Variants in EPHB1 observed in about 807,000 individuals in gnomAD.
EPHB1 encodes the protein EPH receptor B1, also known as ephrin type-B receptor 1.
A neutral mutation model predicts 94.4 loss-of-function variants in EPHB1; 30 were observed. That is an observed-to-expected ratio of 0.32 (90% CI 0.24 to 0.43). The LOEUF is 0.43. Ranked by LOEUF, EPHB1 falls within the 20% of genes least tolerant of loss-of-function variation. EPHB1 has a pLI of 1.00. For missense variants in EPHB1, 1,055 were observed against 1,308.3 expected, an observed-to-expected ratio of 0.81 and a Z score of 2.99; for synonymous variants, 522 against 489.1, an observed-to-expected ratio of 1.07 and a Z score of -0.89.
intron 1 of EPHB1, among the ~76,000 whole-genome samples, chr3:134,825,942 T>A (rs190341795): frequency 1.5e-4 from 23 of 152,166 alleles, no homozygotes; most frequent in Admixed American, 6.5e-4. Context: ...TCAACTATCA[T>A]CTATAAAAGG....
intron 1 of EPHB1, among the ~76,000 whole-genome samples, chr3:134,884,055 T>C (rs1422521531): frequency 6.6e-6 from 1 of 152,250 alleles, no homozygotes; most frequent in Non-Finnish European, 1.5e-5. Flanking sequence ...CCCAGGTCCA[T>C]CCGTGCTAGA....
intron 3 of EPHB1, 134 bp downstream of exon 3, chr3:134,952,186 A>G: frequency 1.1e-6 from 1 of 910,560 alleles, no homozygotes; most frequent in Non-Finnish European, 1.6e-6. Flanking sequence ...GAGGACTCCC[A>G]TTCCTAGTGC....
chr3:134,969,230 G>C (rs73214150), intron 3 of EPHB1, among the ~76,000 whole-genome samples: 7,039 of 152,208 alleles, frequency 0.046, 233 homozygotes, highest in African/African-American at 0.087. Flanking sequence ...GTATCTCATG[G>C]TGATATTAAT....
rs535648802 is a variant in EPHB1 at position 135,111,526 on chromosome 3, G to C, written c.961+4923G>C. ...TGCCAGGCTAGAAAGCTGCAGGGAG[G>C]GGGGCTGTGAATATGTATGTGAGAG... On this transcript the variant is annotated intron_variant, in intron 4 of 15. Coordinates refer to ENST00000398015, the MANE Select transcript of EPHB1 (RefSeq NM_004441.5). Among the ~76,000 whole-genome samples, 241 of 152,248 alleles carry C rather than the reference G, an allele frequency of 1.6e-3. 1 individual carries two copies. The highest frequency in any genetic ancestry group is 9.7e-4 in the Non-Finnish European group (66 of 68,012).
intron 3 of EPHB1, among the ~76,000 whole-genome samples, chr3:134,977,478 G>T (rs748683279): frequency 6.6e-6 from 1 of 152,190 alleles, no homozygotes; most frequent in Non-Finnish European, 1.5e-5. Context: ...GAATGTATCT[G>T]GCAGACTTTC....
intron 12 of EPHB1, among the ~76,000 whole-genome samples, chr3:135,217,499 T>C (rs1034975921): frequency 6.6e-6 from 1 of 151,754 alleles, no homozygotes; most frequent in Non-Finnish European, 1.5e-5. Context: ...GAGAGATGTG[T>C]GTAGTGTAGT....
intron 5 of EPHB1, among the ~76,000 whole-genome samples, chr3:135,134,327 C>T (rs1940534726): frequency 6.6e-6 from 1 of 152,324 alleles, no homozygotes; most frequent in East Asian, 1.9e-4. Context: ...TTTCTACTCA[C>T]CTCCCCACCC....
intron 3 of EPHB1, among the ~76,000 whole-genome samples, chr3:134,971,637 C>T (rs2107727073): frequency 6.6e-6 from 1 of 152,310 alleles, no homozygotes; most frequent in East Asian, 1.9e-4. Flanking sequence ...CCTTCTCCTT[C>T]CTCAATGCAG....
chr3:135,217,359 C>G (rs1314265692), intron 12 of EPHB1, among the ~76,000 whole-genome samples: 1 of 149,424 alleles, frequency 6.7e-6, no homozygotes, highest in African/African-American at 2.4e-5. Flanking sequence ...TAGGGGAACT[C>G]TGTGATGAGG....
chr3:135,047,186 T>C (rs1241016001), intron 3 of EPHB1, among the ~76,000 whole-genome samples: 2 of 152,048 alleles, frequency 1.3e-5, no homozygotes, highest in African/African-American at 2.4e-5. Context: ...AAAAAGGCCC[T>C]GATGGAGGGA....
intron 15 of EPHB1, among the ~76,000 whole-genome samples, chr3:135,255,512 T>C (rs1472467367): frequency 8.2e-5 from 12 of 146,710 alleles, no homozygotes; most frequent in Admixed American, 5.4e-4. Context: ...TCAGTTTCCA[T>C]GTAGTTGAGC....
At chr3:135,182,539 AATT>A (rs1942184404) in intron 10 of EPHB1, among the ~76,000 whole-genome samples, 1 of 152,280 alleles carries the variant, frequency 6.6e-6, no homozygotes, top group African/African-American at 2.4e-5. Context: ...AGTAACAGTT[AATT>A]ATTCCACACC....
At chr3:134,925,995 G>A in intron 2 of EPHB1, 115 bp downstream of exon 2, 1 of 874,892 alleles carries the variant, frequency 1.1e-6, no homozygotes, top group Non-Finnish European at 1.7e-6. Flanking sequence ...ATACAGGTGT[G>A]AATGGCTGTG....
Position 135,005,673 on chromosome 3 carries a change from T to A in EPHB1, c.805+53621T>A, listed in dbSNP as rs574796895. ...TATAATCTCCTGGTGCGCTGTTTTTTAAGCCCGTCGGAAAAGCGCAGTATT... is the reference window on the plus strand; with the variant it reads ...TATAATCTCCTGGTGCGCTGTTTTTAAAGCCCGTCGGAAAAGCGCAGTATT... On this transcript the variant is annotated intron_variant, in intron 3 of 15. Coordinates refer to ENST00000398015, the MANE Select transcript of EPHB1 (RefSeq NM_004441.5). 2.6e-5 allele frequency among the ~76,000 whole-genome samples: 4 copies of A among 152,360 alleles called. No individual in the cohort carries two copies. In the South Asian group the frequency reaches 8.3e-4, roughly 32 times the overall value.
chr3:135,205,897 A>G (rs557984569), intron 12 of EPHB1, among the ~76,000 whole-genome samples: 25 of 152,308 alleles, frequency 1.6e-4, no homozygotes, highest in African/African-American at 6.0e-4. Context: ...TGCATAGAGT[A>G]AAACTCACAA....
chr3:135,122,079 G>A (rs1939988332), intron 4 of EPHB1, among the ~76,000 whole-genome samples: 1 of 152,182 alleles, frequency 6.6e-6, no homozygotes, highest in Non-Finnish European at 1.5e-5. Flanking sequence ...AGTGGTTTGT[G>A]TGGCTGTTGT....
chr3:135,197,595 G>A (rs747028121), intron 11 of EPHB1, among the ~76,000 whole-genome samples: 45 of 152,124 alleles, frequency 3.0e-4, no homozygotes, highest in Admixed American at 1.9e-3. Context: ...AAGTGGATTC[G>A]TCAATGAAAG....
chr3:134,923,514 A>T (rs2038729904), intron 1 of EPHB1, among the ~76,000 whole-genome samples: 1 of 152,090 alleles, frequency 6.6e-6, no homozygotes, highest in Non-Finnish European at 1.5e-5. Context: ...CCTGAGTGCC[A>T]TGTTAGTCTG....
intron 1 of EPHB1, among the ~76,000 whole-genome samples, chr3:134,910,991 A>C (rs1320883943): frequency 6.6e-6 from 1 of 152,220 alleles, no homozygotes; most frequent in Non-Finnish European, 1.5e-5. Flanking sequence ...TAAAAAGTGG[A>C]GTGATTGAGA....
Sources: gnomAD v4.1 joint callset for allele counts (sites outside exome capture counted in the v4.1 genomes callset) on GRCh38, gnomAD v4.1.1 for gene constraint, MANE v1.5 for transcripts, NCBI Gene and HGNC (gene_info 2026-07-23, HGNC 2026-07-21) for gene names.